Variants in DNAI3 observed in about 807,000 individuals in gnomAD.
The protein encoded by DNAI3 is WD repeat domain 63.
Under a neutral mutation model 115.5 loss-of-function variants are expected in DNAI3, and 83 were observed. The ratio of observed to expected loss-of-function variants is 0.72; its 90% CI spans 0.60 to 0.86. The LOEUF (loss-of-function observed/expected upper bound fraction) is 0.86. Ranked by LOEUF, DNAI3 falls within the 40% of genes least tolerant of loss-of-function variation. The pLI, the probability that DNAI3 is intolerant of heterozygous loss-of-function variation, is 0.00. For synonymous variants in DNAI3, 320 were observed against 347.0 expected, an observed-to-expected ratio of 0.92 and a Z score of 0.86; for missense variants, 1,004 against 1,075.8, an observed-to-expected ratio of 0.93 and a Z score of 0.93.
At chr1:85,103,731 A>G (rs990254810) in intron 13 of DNAI3, among the ~76,000 whole-genome samples, 1 of 151,796 alleles carries the variant, frequency 6.6e-6, no homozygotes, top group Non-Finnish European at 1.5e-5. Context: ...TACTAAAAAT[A>G]CAAAAATTGG....
intron 8 of DNAI3, among the ~76,000 whole-genome samples, chr1:85,092,128 G>GTA (rs1474336931): frequency 6.6e-6 from 1 of 152,186 alleles, no homozygotes; most frequent in African/African-American, 2.4e-5. Flanking sequence ...TTCTGACTCA[G>GTA]TAAGTCGGGT....
chr1:85,132,374 A>C (rs1656354108), intron 22 of DNAI3, among the ~76,000 whole-genome samples: 1 of 152,264 alleles, frequency 6.6e-6, no homozygotes, highest in African/African-American at 2.4e-5. Flanking sequence ...ATCTGGAAAC[A>C]GCTCACTCCT....
chr1:85,115,428 C>G (rs1297498714), intron 16 of DNAI3, among the ~76,000 whole-genome samples: 2 of 152,162 alleles, frequency 1.3e-5, no homozygotes, highest in Admixed American at 1.3e-4. Flanking sequence ...TGAAATGGTT[C>G]CTATAAAGCA....
In DNAI3 at chr1:85,093,562, A is replaced by G; in HGVS notation, c.962A>G (p.His321Arg). The change falls in exon 9 of 23, where the codon CAC becomes CGC. Residue 321 changes from histidine to arginine, a missense_variant. By Grantham distance (29) the His-to-Arg change is conservative (BLOSUM62 0). Coordinates refer to ENST00000294664, the MANE Select transcript of DNAI3 (RefSeq NM_145172.5). ...EGTFGDKTDT[H>R]LKEYQSFTDL... Reference sequence around the variant, plus strand: ...ACCTTTGGGGACAAGACCGATACCCACCTGAAAGAGTACCAGTCCTTTACC... The same window carrying G: ...ACCTTTGGGGACAAGACCGATACCCGCCTGAAAGAGTACCAGTCCTTTACC... 2 of 1,614,156 alleles carry G rather than the reference A, an allele frequency of 1.2e-6. No homozygotes were observed. Among genetic ancestry groups the G allele is most frequent in the Non-Finnish European group, 1.7e-6 (2 of 1,180,012 alleles).
At chr1:85,122,532 T>G (rs1405513656) in intron 18 of DNAI3, among the ~76,000 whole-genome samples, 2 of 152,222 alleles carry the variant, frequency 1.3e-5, no homozygotes, top group African/African-American at 4.8e-5. Flanking sequence ...TGAAAATATA[T>G]TTTAATGCAT....
chr1:85,073,176 C>T (rs1221015409), intron 3 of DNAI3, 84 bp downstream of exon 3: 3 of 963,154 alleles, frequency 3.1e-6, no homozygotes, highest in Non-Finnish European at 4.5e-6. Context: ...ATACTACAAA[C>T]TGAAGTGATC....
At chr1:85,088,135 T>C (rs1654853270) in intron 7 of DNAI3, among the ~76,000 whole-genome samples, 1 of 152,050 alleles carries the variant, frequency 6.6e-6, no homozygotes, top group African/African-American at 2.4e-5. Flanking sequence ...CCAAATGAAC[T>C]TGAATTTTGA....
rs549990312 is a variant in DNAI3 at position 85,106,485 on chromosome 1, T to C, written c.1554-1548T>C. On this transcript the variant is annotated intron_variant, in intron 14 of 22. Transcript: ENST00000294664. The stretch of plus-strand genomic sequence containing the variant: ...TCAGTAGATATTTCCCCAAAGAAGA[T>C]ACACAAATGGTCAATAAGCACATAA... Among the ~76,000 whole-genome samples, 14 of 152,270 alleles carry C rather than the reference T, an allele frequency of 9.2e-5. No homozygotes were observed. In the South Asian group the frequency reaches 2.3e-3, roughly 25 times the overall value.
intron 18 of DNAI3, among the ~76,000 whole-genome samples, chr1:85,122,315 C>T (rs979320364): frequency 6.6e-6 from 1 of 152,042 alleles, no homozygotes; most frequent in Non-Finnish European, 1.5e-5. Context: ...TAGGACAGGT[C>T]GTGTCTTTAT....
chr1:85,110,424 C>T (rs1655622093), intron 16 of DNAI3, among the ~76,000 whole-genome samples: 1 of 145,424 alleles, frequency 6.9e-6, no homozygotes, highest in South Asian at 2.2e-4. Context: ...GTACTCCAGT[C>T]CGGGCAACAG....
Position 85,072,995 on chromosome 1 carries a change from T to TA in DNAI3, c.65-56dup, listed in dbSNP as rs1407242613. 1.3e-5 allele frequency: 11 copies of TA among 850,294 alleles called. No homozygotes were observed. In the Admixed American group the frequency reaches 3.0e-4, roughly 23 times the overall value. 52.7% of individuals were successfully genotyped at this position (850,294 alleles called of 1,614,324 possible). A position where few individuals can be genotyped will look rare whatever the true frequency, so the allele number is the denominator to read the frequency against. ...AAAAAGAAGAAATAAAAGATTATAATAAATTGAGATGTATTTGATTCAAAA... is the reference window on the plus strand; with the variant it reads ...AAAAAGAAGAAATAAAAGATTATAATAAAATTGAGATGTATTTGATTCAAAA... On this transcript the variant is annotated intron_variant, in intron 2 of 22. Transcript: ENST00000294664.
chr1:85,121,441 C>T (rs1003468182), intron 17 of DNAI3, among the ~76,000 whole-genome samples: 9 of 152,206 alleles, frequency 5.9e-5, no homozygotes, highest in Admixed American at 3.3e-4. Flanking sequence ...CCTCCCTTTA[C>T]GGATCAACAA....
intron 16 of DNAI3, among the ~76,000 whole-genome samples, chr1:85,113,137 C>T (rs1424467149): frequency 6.6e-6 from 1 of 152,112 alleles, no homozygotes; most frequent in Non-Finnish European, 1.5e-5. Flanking sequence ...TTTCTCAGGA[C>T]TAGTGATATG....
At chr1:85,115,828 A>G (rs1378323067) in intron 16 of DNAI3, among the ~76,000 whole-genome samples, 1 of 152,170 alleles carries the variant, frequency 6.6e-6, no homozygotes, top group African/African-American at 2.4e-5. Context: ...GCTGTCTGAC[A>G]GGACATACTG....
At chr1:85,132,810 A>C in intron 22 of DNAI3, 45 bp from the exon 23 acceptor site, 5 of 1,595,418 alleles carry the variant, frequency 3.1e-6, no homozygotes, top group Non-Finnish European at 4.3e-6. Flanking sequence ...GTATTTTTAG[A>C]TATCAGTGTT....
intron 17 of DNAI3, among the ~76,000 whole-genome samples, chr1:85,119,705 C>CTT (rs565679046): frequency 2.3e-3 from 341 of 148,478 alleles, no homozygotes; most frequent in African/African-American, 8.1e-3. Context: ...TTTCTTTTTT[C>CTT]TTTTTTTTTT....
At chr1:85,081,536 T>G in intron 4 of DNAI3, 121 bp downstream of exon 4, 1 of 823,430 alleles carries the variant, frequency 1.2e-6, no homozygotes, top group Non-Finnish European at 1.8e-6. Context: ...AAGTGCTAGC[T>G]TGCCCACCCC....
chr1:85,097,679 T>G (rs981303197), intron 12 of DNAI3, 24 bp downstream of exon 12: 1 of 1,590,714 alleles, frequency 6.3e-7, no homozygotes, highest in African/African-American at 1.4e-5. Flanking sequence ...AACATTTCAC[T>G]TGCAAGTTTT....
chr1:85,081,305 G>C lies in DNAI3; in HGVS notation c.175G>C (p.Asp59His). ...QEIFNCRIDE[D>H]VTDEQPYKLI... ...AATATTTAACTGCCGAATAGATGAA[G>C]ATGTCACAGATGAACAACCTTATAA... Residue 59 changes from aspartate to histidine, a missense_variant, in exon 4 of 23, where the codon GAT becomes CAT. By Grantham distance (81) the Asp-to-His change is moderately conservative. Around this residue, in one of 3 missense-constraint regions of DNAI3, gnomAD observed 550 missense variants for 568.1 expected, o/e 0.97. Transcript: ENST00000294664. 1.2e-6 allele frequency: 2 copies of C among 1,605,960 alleles called. No homozygotes were observed. The highest frequency in any genetic ancestry group is 3.3e-4 in the Middle Eastern group (2 of 6,050).
Sources: gnomAD v4.1 joint callset for allele counts (sites outside exome capture counted in the v4.1 genomes callset) on GRCh38, gnomAD v4.1.1 for gene constraint, gnomAD v4.1.1 regional missense constraint, MANE v1.5 for transcripts, NCBI Gene and HGNC (gene_info 2026-07-23, HGNC 2026-07-21) for gene names.